XXYLT1: variants seen among roughly 807,000 people sequenced by gnomAD.
XXYLT1 encodes the protein xyloside xylosyltransferase 1, also known as UDP-xylose:alpha-xyloside alpha-1,3-xylosyltransferase.
Under a neutral mutation model 28.9 loss-of-function variants are expected in XXYLT1, and 20 were observed. The ratio of observed to expected loss-of-function variants is 0.69; its 90% confidence interval spans 0.49 to 1.00. XXYLT1 has a LOEUF of 1.00. Ranked by LOEUF, XXYLT1 falls within the 50% of genes least tolerant of loss-of-function variation. The probability of loss-of-function intolerance (pLI) is 0.00; values close to 1 mark genes in which losing one functional copy is unlikely to be tolerated. For missense variants in XXYLT1, 542 were observed against 560.1 expected (o/e 0.97, Z 0.33); for synonymous variants, 257 against 253.8 (o/e 1.01, Z -0.12).
intron 2 of XXYLT1, among the ~76,000 whole-genome samples, chr3:195,204,591 G>A (rs539930171): frequency 6.6e-6 from 1 of 152,132 alleles, no homozygotes; most frequent in South Asian, 2.1e-4. Flanking sequence ...CAGAAGACCA[G>A]TCCTGGCAGC....
chr3:195,134,404 T>C (rs911701952), intron 3 of XXYLT1: 6 of 152,416 alleles, frequency 3.9e-5, no homozygotes, highest in African/African-American at 1.4e-4. Context: ...TGTTTTACTC[T>C]TTCTATGTAC....
At chr3:195,166,925 C>A (rs1721151648) in intron 2 of XXYLT1, among the ~76,000 whole-genome samples, 1 of 152,170 alleles carries the variant, frequency 6.6e-6, no homozygotes, top group African/African-American at 2.4e-5. Context: ...GATCCACCCA[C>A]CTCGGCCTCC....
intron 3 of XXYLT1, among the ~76,000 whole-genome samples, chr3:195,088,226 G>A (rs1385695643): frequency 6.6e-6 from 1 of 151,496 alleles, no homozygotes; most frequent in Non-Finnish European, 1.5e-5. Context: ...TCCACCTCTG[G>A]GGGCAGGGCA....
Position 195,240,635 on chromosome 3 carries a change from C to T in XXYLT1, c.505-13779G>A, listed in dbSNP as rs1455774985. Among the ~76,000 whole-genome samples, 1 of 152,252 alleles carries T rather than the reference C, an allele frequency of 6.6e-6. No homozygotes were observed. Among genetic ancestry groups the T allele is most frequent in the East Asian group, 1.9e-4 (1 of 5,194 alleles). ...CCACTCCTCTGGCCACAGACAGCAA[C>T]GCCACAGGTCGGCCGGAGGCCAAGG... On this transcript the variant is annotated intron_variant, in intron 1 of 3. Transcript: ENST00000310380. The surrounding 1 kb of genome is among the most constrained non-coding windows in gnomAD (Gnocchi z 4.7).
chr3:195,264,278 G>A (rs1298819759), intron 1 of XXYLT1, among the ~76,000 whole-genome samples: 1 of 152,252 alleles, frequency 6.6e-6, no homozygotes, highest in Non-Finnish European at 1.5e-5. Context: ...GCCTTCTGGA[G>A]ATTACCTTCC....
chr3:195,212,538 G>A (rs759002798), intron 2 of XXYLT1, among the ~76,000 whole-genome samples: 2 of 152,170 alleles, frequency 1.3e-5, no homozygotes, highest in East Asian at 1.9e-4. Flanking sequence ...GAACCCGGCC[G>A]CACAGCAGGC....
intron 2 of XXYLT1, among the ~76,000 whole-genome samples, chr3:195,169,141 G>A (rs567677742): frequency 2.8e-4 from 43 of 151,264 alleles, no homozygotes; most frequent in African/African-American, 8.9e-4. Context: ...CTGGCTGGCC[G>A]ACCATGATGG....
At chr3:195,219,020 A>C (rs1723701661) in intron 2 of XXYLT1, among the ~76,000 whole-genome samples, 1 of 152,164 alleles carries the variant, frequency 6.6e-6, no homozygotes, top group Non-Finnish European at 1.5e-5. Flanking sequence ...TTGTAGGGAC[A>C]TGGATGAAAT....
chr3:195,104,967 G>T (rs759966822), intron 3 of XXYLT1, among the ~76,000 whole-genome samples: 1 of 152,196 alleles, frequency 6.6e-6, no homozygotes, highest in Non-Finnish European at 1.5e-5. Context: ...CGCAGCTTTG[G>T]AGACCAACAG....
rs147515864 is a variant in XXYLT1 at position 195,230,442 on chromosome 3, C to T, written c.505-3586G>A. On this transcript the variant is annotated intron_variant, in intron 1 of 3. Transcript: ENST00000310380. The stretch of plus-strand genomic sequence containing the variant: ...GATTGCCTATGCCTGTGGTGTATCA[C>T]GCAAGAAATCTTTGCCAAGTCCAAT... 2.8e-3 allele frequency among the ~76,000 whole-genome samples: 426 copies of T among 152,320 alleles called. 1 individual carries two copies. Among genetic ancestry groups the T allele is most frequent in the Non-Finnish European group, 4.9e-3 (330 of 68,026 alleles).
intron 2 of XXYLT1, among the ~76,000 whole-genome samples, chr3:195,163,731 G>A (rs554834231): frequency 1.1e-4 from 16 of 152,310 alleles, no homozygotes; most frequent in South Asian, 8.3e-4. Context: ...CCACATCCAC[G>A]GAGGGCATGG....
chr3:195,087,774 G>A (rs1453099381), intron 3 of XXYLT1, among the ~76,000 whole-genome samples: 2 of 152,168 alleles, frequency 1.3e-5, no homozygotes, highest in Non-Finnish European at 2.9e-5. Flanking sequence ...GAGGTACCGG[G>A]TTCATCTCAC....
rs1721891686 is a variant in XXYLT1, at chr3:195,180,408, T to G, written c.653-23827A>C. 2.0e-6 allele frequency: 2 copies of G among 985,694 alleles called. No homozygotes were observed. The highest frequency in any genetic ancestry group is 2.4e-6 in the Non-Finnish European group (2 of 830,136). 61.1% of individuals were successfully genotyped at this position (985,694 alleles called of 1,614,324 possible). A position where few individuals can be genotyped will look rare whatever the true frequency, so the allele number is the denominator to read the frequency against. ...AGACACACTTCCTTCGGCTGCAGCC[T>G]CGCCGATTCCCGAGCTGTTTCCTGC... On this transcript the variant is annotated intron_variant, in intron 2 of 3. Coordinates refer to ENST00000310380, the MANE Select transcript of XXYLT1 (RefSeq NM_152531.5). The surrounding 1 kb of genome is among the most constrained non-coding windows in gnomAD (Gnocchi z 5.8).
At chr3:195,143,905 AT>A (rs1319210038) in intron 3 of XXYLT1, among the ~76,000 whole-genome samples, 9 of 108,176 alleles carry the variant, frequency 8.3e-5, no homozygotes, top group Admixed American at 3.8e-4. Flanking sequence ...TTTTATTTTT[AT>A]TTTTTTTTTG....
At chr3:195,117,083 A>G (rs2108607002) in intron 3 of XXYLT1, among the ~76,000 whole-genome samples, 1 of 148,924 alleles carries the variant, frequency 6.7e-6, no homozygotes, top group African/African-American at 2.5e-5. Context: ...TGGGAAAACA[A>G]TCTGGAAACA....
chr3:195,219,654 T>C (rs1005173280), intron 2 of XXYLT1, among the ~76,000 whole-genome samples: 4 of 152,224 alleles, frequency 2.6e-5, no homozygotes, highest in Admixed American at 2.6e-4. Context: ...GTCAACTACC[T>C]GAATCTTACA....
chr3:195,085,415 G>A (rs78998729), intron 3 of XXYLT1, among the ~76,000 whole-genome samples: 1,984 of 152,352 alleles, frequency 0.013, 21 homozygotes, highest in African/African-American at 0.029. Context: ...TGGCATCTCT[G>A]CCACTCTCCC....
At chr3:195,105,444 C>T (rs866118500) in intron 3 of XXYLT1, among the ~76,000 whole-genome samples, 1 of 152,176 alleles carries the variant, frequency 6.6e-6, no homozygotes, top group Non-Finnish European at 1.5e-5. Flanking sequence ...ATCTACACAC[C>T]GTATCATCAT....
rs915180963 is a variant in XXYLT1, at chr3:195,088,197, C to A, written c.786-18086G>T. ...TGGAGCCCACCACAGCTCAAGGAGGCCTGCCTGCCTCTGTAGGCTCCACCT... is the reference window on the plus strand; with the variant it reads ...TGGAGCCCACCACAGCTCAAGGAGGACTGCCTGCCTCTGTAGGCTCCACCT... On this transcript the variant is annotated intron_variant, in intron 3 of 3. Transcript: ENST00000310380. Among the ~76,000 whole-genome samples, 12 of 151,726 alleles carry A rather than the reference C, an allele frequency of 7.9e-5. No individual in the cohort carries two copies. The East Asian group carries it at 2.0e-3, about 25-fold the overall frequency.
Sources: gnomAD v4.1 joint callset for allele counts (sites outside exome capture counted in the v4.1 genomes callset) on GRCh38, gnomAD v4.1.1 for gene constraint, Gnocchi (gnomAD v3.1) non-coding constraint, MANE v1.5 for transcripts, NCBI Gene and HGNC (gene_info 2026-07-23, HGNC 2026-07-21) for gene names.